BMPER: variants seen among roughly 807,000 people sequenced by gnomAD.
The protein encoded by BMPER is BMP-binding endothelial regulator protein.
In BMPER, 45 loss-of-function variants were observed where a neutral mutation model predicts 87.3. The ratio of observed to expected loss-of-function variants is 0.52; its 90% confidence interval spans 0.41 to 0.66. The LOEUF (loss-of-function observed/expected upper bound fraction) is 0.66. Ranked by LOEUF, BMPER falls within the 30% of genes least tolerant of loss-of-function variation. BMPER has a pLI of 0.00. For synonymous variants in BMPER, 326 were observed against 316.2 expected (o/e 1.03, Z -0.33); for missense variants, 784 against 867.5 (o/e 0.90, Z 1.21).
intron 6 of BMPER, among the ~76,000 whole-genome samples, chr7:33,994,752 C>T (rs547241227): frequency 1.3e-5 from 2 of 152,118 alleles, no homozygotes; most frequent in African/African-American, 2.4e-5. Flanking sequence ...AGGCCATTGT[C>T]CTGGGAGTGA....
chr7:34,046,026 T>C (rs552891119), intron 6 of BMPER, among the ~76,000 whole-genome samples: 46 of 152,144 alleles, frequency 3.0e-4, no homozygotes, highest in South Asian at 1.0e-3. Context: ...ATACCTACTG[T>C]AAAGGTGGTT....
chr7:34,110,792 T>G (rs1789941498), intron 13 of BMPER, among the ~76,000 whole-genome samples: 1 of 152,204 alleles, frequency 6.6e-6, no homozygotes, highest in South Asian at 2.1e-4. Flanking sequence ...GAGTAATAAA[T>G]GCATTCAAAC....
At chr7:34,101,268 A>G (rs1789675284) in intron 13 of BMPER, among the ~76,000 whole-genome samples, 1 of 152,190 alleles carries the variant, frequency 6.6e-6, no homozygotes, top group South Asian at 2.1e-4. Flanking sequence ...GTTTAGTGGA[A>G]TAGATGGAAT....
At chr7:33,985,685 G>T (rs879778127) in intron 6 of BMPER, among the ~76,000 whole-genome samples, 2 of 149,898 alleles carry the variant, frequency 1.3e-5, no homozygotes, top group Admixed American at 6.6e-5. Flanking sequence ...ATGGCATTTG[G>T]CTTCTGAAAC....
intron 13 of BMPER, among the ~76,000 whole-genome samples, chr7:34,112,296 C>T (rs1382596841): frequency 6.6e-6 from 1 of 151,622 alleles, no homozygotes; most frequent in African/African-American, 2.4e-5. Flanking sequence ...AGATTGAGAC[C>T]ATCCCGGCTA....
intron 13 of BMPER, among the ~76,000 whole-genome samples, chr7:34,108,230 G>T (rs964823230): frequency 6.6e-6 from 1 of 152,182 alleles, no homozygotes; most frequent in South Asian, 2.1e-4. Context: ...ACTGATCCCT[G>T]GCAGATTAGA....
intron 6 of BMPER, among the ~76,000 whole-genome samples, chr7:34,000,606 A>G (rs1443344241): frequency 6.6e-6 from 1 of 152,122 alleles, no homozygotes; most frequent in Non-Finnish European, 1.5e-5. Context: ...CTCTCCCAGC[A>G]GAGAGGGAAA....
chr7:34,129,636 G>GAAAGAAAGAAAGAAAGA (rs1790519891), intron 13 of BMPER, among the ~76,000 whole-genome samples: 1 of 147,246 alleles, frequency 6.8e-6, no homozygotes, highest in Non-Finnish European at 1.5e-5. Context: ...AAGAGAGAAA[G>GAAAGAAAGAAAGAAAGA]AAAGAAAGAA....
At chr7:33,933,186 T>A (rs1337664627) in intron 2 of BMPER, among the ~76,000 whole-genome samples, 1 of 152,216 alleles carries the variant, frequency 6.6e-6, no homozygotes, top group East Asian at 1.9e-4. Flanking sequence ...AAAAATGTTT[T>A]ACTCCCTATG....
At chr7:34,006,978 A>G (rs1339499038) in intron 6 of BMPER, among the ~76,000 whole-genome samples, 2 of 152,102 alleles carry the variant, frequency 1.3e-5, no homozygotes, top group African/African-American at 4.8e-5. Context: ...CCTCTCTGCC[A>G]ATGCACCTTC....
chr7:34,002,817 T>A (rs1447745743), intron 6 of BMPER, among the ~76,000 whole-genome samples: 1 of 151,826 alleles, frequency 6.6e-6, no homozygotes, highest in Non-Finnish European at 1.5e-5. Context: ...TTGATGATAG[T>A]ATAGTCCCTA....
At chr7:34,017,342 A>G (rs1585740747) in intron 6 of BMPER, among the ~76,000 whole-genome samples, 1 of 151,882 alleles carries the variant, frequency 6.6e-6, no homozygotes, top group African/African-American at 2.4e-5. Context: ...GCGGTTCCTC[A>G]TGGCTGCGGG....
intron 2 of BMPER, among the ~76,000 whole-genome samples, chr7:33,911,409 G>C (rs1346887852): frequency 6.6e-6 from 1 of 152,236 alleles, no homozygotes; most frequent in East Asian, 1.9e-4. Context: ...CCCTCTGCTG[G>C]AAACGTTTAC....
intron 2 of BMPER, among the ~76,000 whole-genome samples, chr7:33,922,651 G>A (rs987003650): frequency 1.3e-5 from 2 of 152,082 alleles, no homozygotes; most frequent in Non-Finnish European, 2.9e-5. Context: ...TCTCTCCCTT[G>A]GACACCCCTC....
In BMPER at chr7:34,057,969, A is replaced by G. The variant is rs145725959; in HGVS notation, c.928-90A>G. On this transcript the variant is annotated intron_variant, in intron 9 of 14. Coordinates refer to ENST00000649409, the MANE Select transcript of BMPER (RefSeq NM_001365308.1). Reference sequence around the variant, plus strand: ...ATGGCGTCCCTCACTCAGGGCAAGAAATGCTTTCCTCCATGGAGAGGTTAC... The same window carrying G: ...ATGGCGTCCCTCACTCAGGGCAAGAGATGCTTTCCTCCATGGAGAGGTTAC... 864 of 1,172,210 alleles carry G rather than the reference A, an allele frequency of 7.4e-4. 4 individuals are homozygous for G. The African/African-American group carries it at 8.2e-3, about 11-fold the overall frequency. The allele number at this position is 1,172,210 out of a possible 1,614,324, so 72.6% of individuals were successfully genotyped here. A position where few individuals can be genotyped will look rare whatever the true frequency, so the allele number is the denominator to read the frequency against.
intron 2 of BMPER, among the ~76,000 whole-genome samples, chr7:33,934,405 G>C (rs541415191): frequency 1.8e-4 from 27 of 151,080 alleles, no homozygotes; most frequent in African/African-American, 6.3e-4. Context: ...AGATATGGCA[G>C]TTCTGTACCA....
chr7:34,091,773 T>A (rs1005194893), intron 13 of BMPER, among the ~76,000 whole-genome samples: 7 of 152,198 alleles, frequency 4.6e-5, no homozygotes, highest in Admixed American at 2.0e-4. Context: ...ATTGAAAAAA[T>A]TTTTTAAAAA....
chr7:33,982,651 C>T (rs1004575155), intron 6 of BMPER, among the ~76,000 whole-genome samples: 2 of 152,014 alleles, frequency 1.3e-5, no homozygotes, highest in South Asian at 2.1e-4. Context: ...AGAAAGAATC[C>T]GAATAGTTGT....
chr7:34,037,456 C>T (rs759453668), intron 6 of BMPER, among the ~76,000 whole-genome samples: 1 of 152,088 alleles, frequency 6.6e-6, no homozygotes, highest in African/African-American at 2.4e-5. Flanking sequence ...TCCACCGAGA[C>T]CGGTTGAGGC....
Sources: gnomAD v4.1 joint callset for allele counts (sites outside exome capture counted in the v4.1 genomes callset) on GRCh38, gnomAD v4.1.1 for gene constraint, MANE v1.5 for transcripts, NCBI Gene and HGNC (gene_info 2026-07-23, HGNC 2026-07-21) for gene names.